Variants in RAP1A observed in about 807,000 individuals in gnomAD.
The protein encoded by RAP1A is RAP1A, member of RAS oncogene family.
Under a neutral mutation model 26.4 loss-of-function variants are expected in RAP1A, and 6 were observed. The ratio of observed to expected loss-of-function variants is 0.23; its 90% CI spans 0.12 to 0.45. The LOEUF is 0.45. Among genes scored for constraint, RAP1A ranks in the 20% least tolerant of loss-of-function variants. The pLI, the probability that RAP1A is intolerant of heterozygous loss-of-function variation, is 0.99. For missense variants in RAP1A, 121 were observed against 217.2 expected (o/e 0.56, Z 2.78); for synonymous variants, 73 against 79.4 (o/e 0.92, Z 0.43).
chr1:111,704,697 G>C (rs532123221), intron 6 of RAP1A, among the ~76,000 whole-genome samples: 44 of 152,224 alleles, frequency 2.9e-4, no homozygotes, highest in African/African-American at 1.0e-3. Flanking sequence ...TTACCTTATT[G>C]TAAAAGAGGA....
intron 2 of RAP1A, among the ~76,000 whole-genome samples, chr1:111,694,430 C>T (rs1226887159): frequency 5.3e-5 from 8 of 151,926 alleles, no homozygotes; most frequent in Non-Finnish European, 8.8e-5. Flanking sequence ...AGTCCACATT[C>T]TTACCCTTGC....
At chr1:111,674,212 A>C (rs1050482142) in intron 1 of RAP1A, among the ~76,000 whole-genome samples, 1 of 152,164 alleles carries the variant, frequency 6.6e-6, no homozygotes, top group Non-Finnish European at 1.5e-5. Flanking sequence ...GAAAGGGGGT[A>C]GGGATGTAGG....
At chr1:111,690,946 A>C (rs1661647019) in intron 1 of RAP1A, among the ~76,000 whole-genome samples, 1 of 152,246 alleles carries the variant, frequency 6.6e-6, no homozygotes, top group Non-Finnish European at 1.5e-5. Context: ...TAGCATGTAC[A>C]TTATATTAAA....
intron 7 of RAP1A, among the ~76,000 whole-genome samples, chr1:111,711,940 TTCTG>T (rs1274826122): frequency 6.6e-6 from 1 of 152,232 alleles, no homozygotes; most frequent in African/African-American, 2.4e-5. Context: ...GATTAGCTCT[TTCTG>T]TATCATCCCT....
At chr1:111,683,256 G>T (rs1661362836) in intron 1 of RAP1A, among the ~76,000 whole-genome samples, 1 of 152,130 alleles carries the variant, frequency 6.6e-6, no homozygotes, top group Non-Finnish European at 1.5e-5. Flanking sequence ...ACAATTAAAA[G>T]AACTAGAGAA....
intron 1 of RAP1A, among the ~76,000 whole-genome samples, chr1:111,568,639 G>A (rs1657975762): frequency 1.3e-5 from 2 of 152,276 alleles, no homozygotes; most frequent in Admixed American, 6.5e-5. Context: ...TAATAATGCT[G>A]AAAGAGTTCT....
At chr1:111,689,035 C>T (rs1661588377) in intron 1 of RAP1A, among the ~76,000 whole-genome samples, 1 of 151,928 alleles carries the variant, frequency 6.6e-6, no homozygotes, top group Non-Finnish European at 1.5e-5. Context: ...GAAGTTTCAC[C>T]ATATTATCCA....
chr1:111,570,820 A>G (rs1270209386), intron 1 of RAP1A, among the ~76,000 whole-genome samples: 1 of 152,212 alleles, frequency 6.6e-6, no homozygotes, highest in African/African-American at 2.4e-5. Context: ...CTCACTCACT[A>G]AAGAGCAGCA....
intron 1 of RAP1A, among the ~76,000 whole-genome samples, chr1:111,680,354 G>A (rs980161511): frequency 6.6e-6 from 1 of 152,166 alleles, no homozygotes; most frequent in South Asian, 2.1e-4. Context: ...CCCTGCCCAT[G>A]TCCTGCTGAT....
At chr1:111,659,416 A>G (rs1002716908) in intron 1 of RAP1A, among the ~76,000 whole-genome samples, 3 of 152,088 alleles carry the variant, frequency 2.0e-5, no homozygotes, top group Non-Finnish European at 4.4e-5. Context: ...AAGCAAAACT[A>G]TGGATGGGGG....
intron 1 of RAP1A, among the ~76,000 whole-genome samples, chr1:111,691,031 T>C (rs1661650681): frequency 6.6e-6 from 1 of 152,238 alleles, no homozygotes; most frequent in Admixed American, 6.5e-5. Context: ...GGTTTATCAT[T>C]GTAGTCATAA....
chr1:111,713,214 T>G lies in RAP1A; in HGVS notation c.*813T>G, dbSNP rs1662437625. The G allele has an allele frequency of 6.6e-6, 1 of 152,484 alleles. No individual in the cohort carries two copies. Among genetic ancestry groups the G allele is most frequent in the Non-Finnish European group, 1.5e-5 (1 of 67,982 alleles). 9.4% of individuals were successfully genotyped at this position (152,484 alleles called of 1,614,324 possible). On this transcript the variant is annotated 3_prime_UTR_variant, in exon 8 of 8. Transcript: ENST00000369709. ...GACAGTAGCTCCTTTCTGCCTAGTA[T>G]CTGCAGAACACTGGCTTTAAACTAT...
chr1:111,649,132 T>C (rs1307094671), intron 1 of RAP1A: 1 of 580,466 alleles, frequency 1.7e-6, no homozygotes, highest in Non-Finnish European at 3.4e-6. Context: ...TGCAGAACGA[T>C]GTGGGCATTG....
At chr1:111,579,062 C>A (rs1198282154) in intron 1 of RAP1A, among the ~76,000 whole-genome samples, 2 of 152,194 alleles carry the variant, frequency 1.3e-5, no homozygotes, top group African/African-American at 4.8e-5. Context: ...CACGCCGTGT[C>A]TAGGTGAGCC....
chr1:111,699,342 C>G (rs770210736), intron 4 of RAP1A, among the ~76,000 whole-genome samples: 2 of 152,106 alleles, frequency 1.3e-5, no homozygotes, highest in Non-Finnish European at 2.9e-5. Flanking sequence ...TTAAGGCATT[C>G]ATACCATGGT....
intron 1 of RAP1A, chr1:111,649,199 GC>G: frequency 2.0e-6 from 1 of 511,038 alleles, no homozygotes. Context: ...TGAAGTAATG[GC>G]CCCAGTCCCT....
chr1:111,626,492 A>T (rs1351549310), intron 1 of RAP1A, among the ~76,000 whole-genome samples: 7 of 152,174 alleles, frequency 4.6e-5, no homozygotes, highest in Non-Finnish European at 8.8e-5. Flanking sequence ...GTTGTTTTGT[A>T]GAATGGGATG....
intron 1 of RAP1A, among the ~76,000 whole-genome samples, chr1:111,607,915 G>T (rs1291374869): frequency 7.4e-6 from 1 of 135,018 alleles, no homozygotes; most frequent in East Asian, 2.3e-4. Flanking sequence ...CGGGCAGAGG[G>T]GCTCCTCACT....
rs1410031844 is a variant in RAP1A, at chr1:111,576,182, G to A, written c.-28+33673G>A. Among the ~76,000 whole-genome samples the A allele has an allele frequency of 3.9e-5, 6 of 152,176 alleles. No individual in the cohort carries two copies. The East Asian group carries it at 1.2e-3, about 29-fold the overall frequency. ...TTCTGGTTCAGTGGGTCTACGGTCTGCATTTCAAACAAGCTCCCAGTTGAT... is the reference window on the plus strand; with the variant it reads ...TTCTGGTTCAGTGGGTCTACGGTCTACATTTCAAACAAGCTCCCAGTTGAT... On this transcript the variant is annotated intron_variant, in intron 1 of 7. Transcript: ENST00000356415.
Sources: gnomAD v4.1 joint callset for allele counts (sites outside exome capture counted in the v4.1 genomes callset) on GRCh38, gnomAD v4.1.1 for gene constraint, MANE v1.5 for transcripts, NCBI Gene and HGNC (gene_info 2026-07-23, HGNC 2026-07-21) for gene names.